NKAIN2: variants seen among roughly 807,000 people sequenced by gnomAD.
NKAIN2 encodes sodium/potassium-transporting ATPase subunit beta-1-interacting protein 2.
A neutral mutation model predicts 32.6 loss-of-function variants in NKAIN2; 14 were observed. That is an observed-to-expected ratio of 0.43 (90% CI 0.28 to 0.67). NKAIN2 has a LOEUF of 0.67. NKAIN2 is among the 30% of genes least tolerant of loss of function. The pLI, the probability that NKAIN2 is intolerant of heterozygous loss-of-function variation, is 0.17. For missense variants in NKAIN2, 198 were observed against 258.3 expected, an observed-to-expected ratio of 0.77 and a Z score of 1.60; for synonymous variants, 80 against 87.2, an observed-to-expected ratio of 0.92 and a Z score of 0.46.
At chr6:124,490,372 A>G in intron 3 of NKAIN2, 1 of 439,354 alleles carries the variant, frequency 2.3e-6, no homozygotes, top group Non-Finnish European at 4.5e-6. Flanking sequence ...AGGGTTGTGG[A>G]ATTTCCCTCA....
At chr6:123,874,904 CATACAT>C (rs1333259767) in intron 1 of NKAIN2, among the ~76,000 whole-genome samples, 5 of 148,962 alleles carry the variant, frequency 3.4e-5, no homozygotes, top group African/African-American at 5.1e-5. Flanking sequence ...TACATACATA[CATACAT>C]ATATATATGT....
chr6:124,504,339 G>A (rs1416027148), intron 3 of NKAIN2, among the ~76,000 whole-genome samples: 2 of 152,042 alleles, frequency 1.3e-5, no homozygotes, highest in Non-Finnish European at 2.9e-5. Flanking sequence ...CATCTATAAA[G>A]TTTCCTTTGT....
chr6:123,844,939 A>G (rs1241112788), intron 1 of NKAIN2, among the ~76,000 whole-genome samples: 2 of 152,226 alleles, frequency 1.3e-5, no homozygotes, highest in Non-Finnish European at 2.9e-5. Context: ...GCCAAACAAA[A>G]TTACTTAGTT....
At chr6:124,569,103 C>A (rs1781029861) in intron 3 of NKAIN2, among the ~76,000 whole-genome samples, 1 of 152,176 alleles carries the variant, frequency 6.6e-6, no homozygotes, top group Non-Finnish European at 1.5e-5. Flanking sequence ...CCATACTACT[C>A]AAGGTGACAA....
chr6:124,348,415 T>C (rs1583096528), intron 2 of NKAIN2, among the ~76,000 whole-genome samples: 1 of 152,202 alleles, frequency 6.6e-6, no homozygotes, highest in East Asian at 1.9e-4. Flanking sequence ...TCTTTTTGTT[T>C]GTCTGTGTCC....
intron 2 of NKAIN2, among the ~76,000 whole-genome samples, chr6:124,286,505 C>G (rs918197767): frequency 2.0e-5 from 3 of 151,982 alleles, no homozygotes; most frequent in African/African-American, 7.2e-5. Flanking sequence ...CTTGCTAACC[C>G]TGTGTATTAT....
intron 4 of NKAIN2, among the ~76,000 whole-genome samples, chr6:124,689,487 C>G (rs985738533): frequency 6.6e-6 from 1 of 152,002 alleles, no homozygotes; most frequent in African/African-American, 2.4e-5. Context: ...TTAATTCTTT[C>G]TTTCATAGAT....
intron 2 of NKAIN2, among the ~76,000 whole-genome samples, chr6:124,352,105 A>G (rs1406867198): frequency 6.6e-6 from 1 of 152,326 alleles, no homozygotes; most frequent in South Asian, 2.1e-4. Flanking sequence ...ACTTAATTGT[A>G]ATGGGTCATA....
intron 3 of NKAIN2, among the ~76,000 whole-genome samples, chr6:124,359,984 G>C (rs12204681): frequency 8.4e-4 from 128 of 152,038 alleles, no homozygotes; most frequent in African/African-American, 2.4e-3. Context: ...TAGCATGAAG[G>C]GTTGTTGAAT....
At chr6:124,497,824 T>TAAAAAAAAAA (rs33913104) in intron 3 of NKAIN2, among the ~76,000 whole-genome samples, 92 of 105,438 alleles carry the variant, frequency 8.7e-4, no homozygotes, top group South Asian at 1.3e-3. Context: ...GAGTAAGGGG[T>TAAAAAAAAAA]AAAAAAAAAA....
intron 1 of NKAIN2, among the ~76,000 whole-genome samples, chr6:123,866,708 G>A (rs896467767): frequency 1.3e-5 from 2 of 152,152 alleles, no homozygotes; most frequent in African/African-American, 4.8e-5. Context: ...GGGATTACAG[G>A]CGTGAGCCAC....
chr6:124,108,618 C>T (rs1785228280), intron 1 of NKAIN2, among the ~76,000 whole-genome samples: 1 of 151,934 alleles, frequency 6.6e-6, no homozygotes, highest in African/African-American at 2.4e-5. Context: ...ATTGCCTAGA[C>T]CAAATATCAA....
chr6:123,847,577 G>A (rs1775144573), intron 1 of NKAIN2, among the ~76,000 whole-genome samples: 1 of 152,016 alleles, frequency 6.6e-6, no homozygotes, highest in Admixed American at 6.6e-5. Flanking sequence ...ACATTTGAAG[G>A]ATTTGTTTCC....
At chr6:123,970,396 A>G (rs1267110780) in intron 1 of NKAIN2, among the ~76,000 whole-genome samples, 1 of 152,122 alleles carries the variant, frequency 6.6e-6, no homozygotes, top group African/African-American at 2.4e-5. Flanking sequence ...GAAAACACAG[A>G]TGGGATTCTA....
intron 1 of NKAIN2, among the ~76,000 whole-genome samples, chr6:124,116,949 A>G (rs1466885845): frequency 6.6e-6 from 1 of 152,096 alleles, no homozygotes. Flanking sequence ...TAGTGAAGGC[A>G]TTAGGTACAG....
intron 4 of NKAIN2, among the ~76,000 whole-genome samples, chr6:124,695,003 AATATGTC>A (rs1774431051): frequency 6.6e-6 from 1 of 152,104 alleles, no homozygotes; most frequent in African/African-American, 2.4e-5. Context: ...GTACCTTTAT[AATATGTC>A]ATATATGCCC....
At chr6:124,005,491 G>A (rs1780041264) in intron 1 of NKAIN2, among the ~76,000 whole-genome samples, 1 of 151,820 alleles carries the variant, frequency 6.6e-6, no homozygotes, top group South Asian at 2.1e-4. Context: ...CCATATTATA[G>A]TCTCTTATTG....
chr6:124,658,588 G>T (rs955921558), intron 4 of NKAIN2: 45 of 1,264,882 alleles, frequency 3.6e-5, no homozygotes, highest in Non-Finnish European at 4.6e-5. Flanking sequence ...TCGACAATTA[G>T]TAAATACCCT....
chr6:123,867,930 G>A (rs896334256), intron 1 of NKAIN2, among the ~76,000 whole-genome samples: 15 of 148,838 alleles, frequency 1.0e-4, no homozygotes, highest in South Asian at 2.1e-4. Context: ...GTGCAGTGGC[G>A]TGATCTCTGC....
Sources: allele counts gnomAD v4.1 joint callset (sites outside exome capture counted in the v4.1 genomes callset), GRCh38; gene constraint gnomAD v4.1.1; transcripts MANE v1.5; gene names NCBI Gene and HGNC (gene_info 2026-07-23, HGNC 2026-07-21).